PLEKHG5: variants seen among roughly 807,000 people sequenced by gnomAD.
PLEKHG5 encodes the protein pleckstrin homology domain-containing family G member 5.
PLEKHG5 carries 52 observed loss-of-function variants against 103.8 expected under a neutral mutation model. The observed-to-expected ratio is 0.50, with a 90% CI of 0.40 to 0.63. The LOEUF is 0.63. Ranked by LOEUF, PLEKHG5 falls within the 30% of genes least tolerant of loss-of-function variation. PLEKHG5 has a pLI of 0.00. For synonymous variants in PLEKHG5, 592 were observed against 575.5 expected (o/e 1.03, Z -0.41); for missense variants, 1,205 against 1,347.6 (o/e 0.89, Z 1.66).
At position 6,491,358 on chromosome 1, in the gene PLEKHG5, C is replaced by A. The variant is rs1032846792; in HGVS notation, c.-88+279G>T. On this transcript the variant is annotated intron_variant, in intron 1 of 20. Coordinates refer to ENST00000377728, the MANE Select transcript of PLEKHG5 (RefSeq NM_020631.6). The surrounding 1 kb of genome is among the most constrained non-coding windows in gnomAD (Gnocchi z 4.1). ...AGACTGCCCCACACAACCCTTGGGG[C>A]TGGGCCTATACTAGGGCAGCTCCTG... is the stretch of plus-strand genomic sequence containing the variant. Among the ~76,000 whole-genome samples the A allele has an allele frequency of 1.3e-5, 2 of 152,182 alleles. No individual in the cohort carries two copies. Among genetic ancestry groups the A allele is most frequent in the African/African-American group, 2.4e-5 (1 of 41,448 alleles).
At chr1:6,499,902 T>A (rs2148629940), upstream of PLEKHG5, among the ~76,000 whole-genome samples, 1 of 152,256 alleles carries the variant, frequency 6.6e-6, no homozygotes, top group African/African-American at 2.4e-5. Flanking sequence ...TGGGCACAAG[T>A]GATCTTCCCA....
chr1:6,474,029 T>C lies in PLEKHG5; in HGVS notation c.575A>G (p.Glu192Gly), dbSNP rs1489061989. The C allele has an allele frequency of 7.0e-7, 1 of 1,435,178 alleles. No individual in the cohort carries two copies. Among genetic ancestry groups the C allele is most frequent in the Non-Finnish European group, 9.4e-7 (1 of 1,067,936 alleles). The allele number at this position is 1,435,178 out of a possible 1,614,324, so 88.9% of individuals were successfully genotyped here. The change falls in exon 7 of 21, where the codon GAG (glutamate) becomes GGG (glycine). Residue 192 changes from glutamate to glycine, a missense_variant. Coordinates refer to ENST00000377728, the MANE Select transcript of PLEKHG5 (RefSeq NM_020631.6). ...LERVDAQSRR[E>G]SLDILAPGRR... is the part of the protein sequence containing the mutation. ...CCTCCTCACCAAGATGTCCAGGCTCTCCCGGCGGCTCTGGGCGTCCACACG... is the reference window on the plus strand; with the variant it reads ...CCTCCTCACCAAGATGTCCAGGCTCCCCCGGCGGCTCTGGGCGTCCACACG...
chr1:6,496,561 T>C, upstream of PLEKHG5: 1 of 1,574,452 alleles, frequency 6.4e-7, no homozygotes, highest in South Asian at 1.2e-5. Context: ...TCAGCGGGGC[T>C]CTGGTCGTCT....
At chr1:6,496,922 A>C, upstream of PLEKHG5, 1 of 1,475,284 alleles carries the variant, frequency 6.8e-7, no homozygotes, top group Non-Finnish European at 8.9e-7. Flanking sequence ...TGCTGGGGGG[A>C]AGGGGCTCCA....
intron 15 of PLEKHG5, 71 bp from the exon 16 acceptor site, chr1:6,470,426 A>G (rs1644531083): frequency 6.2e-7 from 1 of 1,611,222 alleles, no homozygotes; most frequent in Non-Finnish European, 8.5e-7. Context: ...ATCCTCAGTG[A>G]GATGCCCAGC....
intron 1 of PLEKHG5, among the ~76,000 whole-genome samples, chr1:6,511,771 C>A (rs946044852): frequency 5.9e-5 from 9 of 152,222 alleles, no homozygotes; most frequent in African/African-American, 1.9e-4. Flanking sequence ...TGCAGCCCCC[C>A]CAGAGAGGCT....
chr1:6,479,234 A>G (rs568588169), intron 1 of PLEKHG5, among the ~76,000 whole-genome samples: 2 of 151,546 alleles, frequency 1.3e-5, no homozygotes, highest in South Asian at 2.1e-4. Flanking sequence ...TTCCTCATAT[A>G]GGAACTAATC....
At chr1:6,468,793 A>G (rs1283237696) in intron 19 of PLEKHG5, among the ~76,000 whole-genome samples, 3 of 152,152 alleles carry the variant, frequency 2.0e-5, no homozygotes, top group African/African-American at 7.2e-5. Flanking sequence ...CTTCCCTGCC[A>G]AGGCTGGATC....
Position 6,490,623 on chromosome 1 carries a change from T to G in PLEKHG5, c.-88+1014A>C. ...GGAATTACGGTAGCCGCGCGGGCGCTACCACCTGGACCGGCCGGGATGTAC... is the reference window on the plus strand; with the variant it reads ...GGAATTACGGTAGCCGCGCGGGCGCGACCACCTGGACCGGCCGGGATGTAC... On this transcript the variant is annotated intron_variant, in intron 1 of 20. Transcript: ENST00000377728. This position sits in a 1 kb window ranked among gnomAD's most constrained non-coding sequence, Gnocchi z 8.0. The G allele has an allele frequency of 6.1e-6, 6 of 985,044 alleles. No individual in the cohort carries two copies. The highest frequency in any genetic ancestry group is 6.0e-6 in the Non-Finnish European group (5 of 829,748). 61.0% of individuals were successfully genotyped at this position (985,044 alleles called of 1,614,324 possible).
intron 1 of PLEKHG5, among the ~76,000 whole-genome samples, chr1:6,483,204 G>C (rs1201721436): frequency 6.6e-6 from 1 of 152,226 alleles, no homozygotes; most frequent in Non-Finnish European, 1.5e-5. Context: ...GCAGTCGGCA[G>C]GTGGCACTCC....
At chr1:6,497,709 C>G (rs1046543197), upstream of PLEKHG5, among the ~76,000 whole-genome samples, 1 of 152,262 alleles carries the variant, frequency 6.6e-6, no homozygotes, top group Non-Finnish European at 1.5e-5. The surrounding 1 kb of genome is among the most constrained non-coding windows in gnomAD (Gnocchi z 6.1). Context: ...GCAGAGCCCC[C>G]ACCCCAGCCC....
At position 6,468,347 on chromosome 1, in the gene PLEKHG5, A is replaced by C. The variant is rs764007395; in HGVS notation, c.2489T>G (p.Phe830Cys). 1.2e-6 allele frequency: 2 copies of C among 1,609,234 alleles called. No individual in the cohort carries two copies. Among genetic ancestry groups the C allele is most frequent in the East Asian group, 4.5e-5 (2 of 44,724 alleles). The stretch of plus-strand genomic sequence containing the variant: ...CTCTGCCATTGGGCCTGGGGCCACA[A>C]AGTCTTGTAAGGAGGTTGGGGAGAG... ...GTLSPTSLQD[F>C]VAPGPMAELV... Residue 830 changes from phenylalanine (F) to cysteine (C), a missense_variant, in exon 20 of 21, where the codon TTT becomes TGT. Coordinates refer to ENST00000377728, the MANE Select transcript of PLEKHG5 (RefSeq NM_020631.6).
chr1:6,475,891 G>GC (rs761457188), intron 3 of PLEKHG5, 40 bp downstream of exon 3: 1 of 1,507,848 alleles, frequency 6.6e-7, no homozygotes, highest in African/African-American at 1.4e-5. Context: ...CAGCCGTGGG[G>GC]CCCTCCAGGT....
At chr1:6,518,990 G>A (rs1202152952) in intron 1 of PLEKHG5, among the ~76,000 whole-genome samples, 2 of 152,134 alleles carry the variant, frequency 1.3e-5, no homozygotes, top group African/African-American at 4.8e-5. Flanking sequence ...CTACAGGTGC[G>A]TGCCACCACG....
In PLEKHG5 at chr1:6,471,627, T is replaced by C. The variant is rs1327802744; in HGVS notation, c.1142A>G (p.Glu381Gly). 8 of 1,588,800 alleles carry C rather than the reference T, an allele frequency of 5.0e-6. No homozygotes were observed. In the South Asian group the frequency reaches 8.0e-5, roughly 16 times the overall value. Reference sequence around the variant, plus strand: ...CTCCGGGATGTTGCTGAACAGGCGCTCCGCCTCCACCTGGGCGCGGCGGGA... The same window carrying C: ...CTCCGGGATGTTGCTGAACAGGCGCCCCGCCTCCACCTGGGCGCGGCGGGA... ...ESGLLCEVEAERLFSNIPEIA... is the reference protein window; with the variant it reads ...ESGLLCEVEAGRLFSNIPEIA... The change falls in exon 12 of 21, where the codon GAG (glutamate) becomes GGG (glycine). Residue 381 changes from glutamate (E) to glycine (G), a missense_variant. By Grantham distance (98) the Glu-to-Gly change is moderately conservative. Coordinates refer to ENST00000377728, the MANE Select transcript of PLEKHG5 (RefSeq NM_020631.6).
intron 1 of PLEKHG5, among the ~76,000 whole-genome samples, chr1:6,483,715 C>G (rs532873181): frequency 6.6e-6 from 1 of 152,226 alleles, no homozygotes; most frequent in Non-Finnish European, 1.5e-5. Flanking sequence ...TCAGCCAGGG[C>G]TCTACCCACA....
At chr1:6,512,117 T>C (rs1223948880) in intron 1 of PLEKHG5, among the ~76,000 whole-genome samples, 1 of 152,102 alleles carries the variant, frequency 6.6e-6, no homozygotes, top group Non-Finnish European at 1.5e-5. Flanking sequence ...ATCACCCCGT[T>C]TTACAGAGGA....
chr1:6,517,293 T>G, intron 1 of PLEKHG5, among the ~76,000 whole-genome samples: 1 of 128,730 alleles, frequency 7.8e-6, no homozygotes, highest in Admixed American at 8.7e-5. Context: ...GGTGACAGAG[T>G]GAGACTCCAT....
upstream of PLEKHG5, among the ~76,000 whole-genome samples, chr1:6,497,597 G>A (rs1309369174): frequency 6.6e-6 from 1 of 152,092 alleles, no homozygotes; most frequent in Non-Finnish European, 1.5e-5. This position sits in a 1 kb window ranked among gnomAD's most constrained non-coding sequence, Gnocchi z 6.1. Flanking sequence ...ACCTCCCGGA[G>A]GGCGGGCACC....
Sources: allele counts gnomAD v4.1 joint callset (sites outside exome capture counted in the v4.1 genomes callset), GRCh38; gene constraint gnomAD v4.1.1; non-coding constraint Gnocchi (gnomAD v3.1); transcripts MANE v1.5; gene names NCBI Gene and HGNC (gene_info 2026-07-23, HGNC 2026-07-21).